KLHDC1: variants seen among roughly 807,000 people sequenced by gnomAD.
KLHDC1 encodes kelch domain containing 1, also known as kelch domain-containing protein 1.
Under a neutral mutation model 68.3 loss-of-function variants are expected in KLHDC1, and 53 were observed. The ratio of observed to expected loss-of-function variants is 0.78; its 90% confidence interval spans 0.62 to 0.98. The LOEUF is 0.98. KLHDC1 is among the 50% of genes least tolerant of loss of function. The probability of loss-of-function intolerance (pLI) is 0.00; values close to 1 mark genes in which losing one functional copy is unlikely to be tolerated. For missense variants in KLHDC1, 470 were observed against 492.3 expected, an observed-to-expected ratio of 0.95 and a Z score of 0.43; for synonymous variants, 148 against 159.0, an observed-to-expected ratio of 0.93 and a Z score of 0.52.
chr14:49,724,516 T>C (rs965641280), intron 5 of KLHDC1, among the ~76,000 whole-genome samples: 1 of 152,024 alleles, frequency 6.6e-6, no homozygotes, highest in Non-Finnish European at 1.5e-5. Flanking sequence ...TACTAGCGTA[T>C]ATTATTCTAC....
chr14:49,741,923 C>T (rs1420906081), intron 11 of KLHDC1, among the ~76,000 whole-genome samples: 2 of 152,170 alleles, frequency 1.3e-5, no homozygotes, highest in Non-Finnish European at 2.9e-5. Flanking sequence ...AGGGCACTAG[C>T]TCCCTTTCAT....
chr14:49,713,090 C>T lies in KLHDC1; in HGVS notation c.404+2709C>T, dbSNP rs542090440. On this transcript the variant is annotated intron_variant, in intron 4 of 12. Transcript: ENST00000359332. The stretch of plus-strand genomic sequence containing the variant: ...TCAGCCTCCCGAGTAGCTGGAACTA[C>T]GGGCTCCCGCCACCACACCCGGGTA... Among the ~76,000 whole-genome samples the T allele has an allele frequency of 2.4e-3, 362 of 151,856 alleles. 3 individuals are homozygous for T. The highest frequency in any genetic ancestry group is 4.3e-3 in the Non-Finnish European group (289 of 67,944).
At chr14:49,711,921 T>TC (rs1888214280) in intron 4 of KLHDC1, among the ~76,000 whole-genome samples, 1 of 133,738 alleles carries the variant, frequency 7.5e-6, no homozygotes, top group African/African-American at 2.8e-5. Context: ...TTTTTTTTTT[T>TC]TTTTTTTTTT....
chr14:49,716,468 C>T (rs916706452), intron 4 of KLHDC1, among the ~76,000 whole-genome samples: 2 of 151,856 alleles, frequency 1.3e-5, no homozygotes, highest in African/African-American at 2.4e-5. Flanking sequence ...ACTGCAACCT[C>T]CACCTCCCTG....
rs546263421 is a variant in KLHDC1, at chr14:49,699,068, G to A, written c.96+5778G>A. Among the ~76,000 whole-genome samples, 48 of 150,986 alleles carry A rather than the reference G, an allele frequency of 3.2e-4. 2 individuals carry two copies. The South Asian group carries it at 9.3e-3, about 29-fold the overall frequency. On this transcript the variant is annotated intron_variant, in intron 1 of 12. Coordinates refer to ENST00000359332, the MANE Select transcript of KLHDC1 (RefSeq NM_172193.3). ...AATCCCAGCTAATCTGGAGGCTGAG[G>A]CAGGAGAATCGCTTGATCCCAGAAG...
Position 49,709,875 on chromosome 14 carries a change from C to T in KLHDC1, c.285+49C>T, listed in dbSNP as rs749019055. On this transcript the variant is annotated intron_variant, in intron 3 of 12. Transcript: ENST00000359332. ...GTGCAGCAAAATGTAATATTTAATG[C>T]ATCATTTCATCTCACAAGTTACAAA... 42 of 824,954 alleles carry T rather than the reference C, an allele frequency of 5.1e-5. No homozygotes were observed. In the Admixed American group the frequency reaches 1.1e-3, roughly 21 times the overall value. The allele number at this position is 824,954 out of a possible 1,614,324, so 51.1% of individuals were successfully genotyped here.
At chr14:49,743,677 A>G (rs1406200464) in intron 11 of KLHDC1, 76 bp from the exon 12 acceptor site, 3 of 867,344 alleles carry the variant, frequency 3.5e-6, no homozygotes, top group Non-Finnish European at 5.5e-6. Flanking sequence ...ACATTTATAA[A>G]ATTAAGAAAC....
chr14:49,749,138 A>G (rs778820161), intron 12 of KLHDC1, among the ~76,000 whole-genome samples: 4 of 152,128 alleles, frequency 2.6e-5, no homozygotes, highest in Non-Finnish European at 4.4e-5. Context: ...ATAATGATCA[A>G]TATATAACCC....
chr14:49,706,968 G>A (rs1291588377), intron 1 of KLHDC1, among the ~76,000 whole-genome samples: 23 of 151,822 alleles, frequency 1.5e-4, no homozygotes, highest in Non-Finnish European at 1.2e-4. Flanking sequence ...CCTTCACTGT[G>A]CAGAAGCATT....
chr14:49,711,632 C>T (rs1023859564), intron 4 of KLHDC1, among the ~76,000 whole-genome samples: 2 of 152,164 alleles, frequency 1.3e-5, no homozygotes, highest in Non-Finnish European at 2.9e-5. Context: ...GCCACTGCGC[C>T]TGGCCTTCTT....
intron 7 of KLHDC1, among the ~76,000 whole-genome samples, 169 bp from the exon 8 acceptor site, chr14:49,729,321 G>A (rs559886533): frequency 4.6e-5 from 7 of 151,986 alleles, no homozygotes; most frequent in Non-Finnish European, 8.8e-5. Context: ...ATTGATTTGG[G>A]AGCTCTGTGT....
chr14:49,719,400 T>TTTTA lies in KLHDC1; in HGVS notation c.405-4450_405-4447dup, dbSNP rs146638829. On this transcript the variant is annotated intron_variant, in intron 4 of 12. Coordinates refer to ENST00000359332, the MANE Select transcript of KLHDC1 (RefSeq NM_172193.3). ...TTTTTTTCTTTCAGCACTTTACAGG[T>TTTTA]TTTATTTATTTATTTATTTATTTAT... Among the ~76,000 whole-genome samples, 39 of 150,882 alleles carry TTTTA rather than the reference T, an allele frequency of 2.6e-4. 1 individual carries two copies. Among genetic ancestry groups the TTTTA allele is most frequent in the East Asian group, 2.1e-3 (11 of 5,174 alleles).
intron 1 of KLHDC1, among the ~76,000 whole-genome samples, chr14:49,696,029 G>C (rs1406190074): frequency 1.3e-5 from 2 of 149,392 alleles, no homozygotes; most frequent in African/African-American, 4.9e-5. Context: ...TCGCACCACT[G>C]CCCTCCAGCC....
chr14:49,715,757 AAAAAAAAAAT>A (rs1888357129), intron 4 of KLHDC1, among the ~76,000 whole-genome samples: 1 of 123,618 alleles, frequency 8.1e-6, no homozygotes, highest in Non-Finnish European at 1.7e-5. Context: ...AAAAAAAAAA[AAAAAAAAAAT>A]ATATATATAT....
chr14:49,703,331 T>G (rs189232123), intron 1 of KLHDC1, among the ~76,000 whole-genome samples: 11 of 151,986 alleles, frequency 7.2e-5, no homozygotes, highest in Admixed American at 7.2e-4. Flanking sequence ...ATAGCATATG[T>G]TTTCTTTCAT....
chr14:49,712,903 G>A (rs1383583251), intron 4 of KLHDC1, among the ~76,000 whole-genome samples: 1 of 151,218 alleles, frequency 6.6e-6, no homozygotes, highest in Non-Finnish European at 1.5e-5. Flanking sequence ...GCCTCCGAAA[G>A]TGCTGGGATT....
At chr14:49,734,011 C>G (rs1003367853) in intron 9 of KLHDC1, among the ~76,000 whole-genome samples, 5 of 152,174 alleles carry the variant, frequency 3.3e-5, no homozygotes, top group African/African-American at 1.2e-4. Flanking sequence ...TAACCAAAAA[C>G]TAACATCTGT....
chr14:49,711,878 A>T (rs1356552588), intron 4 of KLHDC1, among the ~76,000 whole-genome samples: 1 of 149,944 alleles, frequency 6.7e-6, no homozygotes, highest in Non-Finnish European at 1.5e-5. Flanking sequence ...TATACGTTAT[A>T]ATCGATTTAT....
At chr14:49,702,490 T>C (rs2139731141) in intron 1 of KLHDC1, among the ~76,000 whole-genome samples, 1 of 152,340 alleles carries the variant, frequency 6.6e-6, no homozygotes, top group Middle Eastern at 3.4e-3. Context: ...ATCACATTGG[T>C]CATCTATGTT....
Sources: allele counts gnomAD v4.1 joint callset (sites outside exome capture counted in the v4.1 genomes callset), GRCh38; gene constraint gnomAD v4.1.1; transcripts MANE v1.5; gene names NCBI Gene and HGNC (gene_info 2026-07-23, HGNC 2026-07-21).